The following AKNA variants were observed in gnomAD, a reference collection of about 807,000 sequenced individuals.
AKNA encodes the protein AT-hook transcription factor.
In AKNA, 67 loss-of-function variants were observed where a neutral mutation model predicts 138.8. The ratio of observed to expected loss-of-function variants is 0.48; its 90% CI spans 0.40 to 0.59. The LOEUF is 0.59. AKNA is among the 20% of genes least tolerant of loss of function. The pLI is 0.00. For missense variants in AKNA, 1,813 were observed against 1,880.4 expected (o/e 0.96, Z 0.66); for synonymous variants, 737 against 754.4 (o/e 0.98, Z 0.38).
In AKNA at chr9:114,356,727, C is replaced by CA. The variant is rs561438559; in HGVS notation, c.2846+135dup. ...TGTCCATAACACAGGAACAAGAAATCACGGTTAGGGGATGAAATGAGGGCC... is the reference window on the plus strand; with the variant it reads ...TGTCCATAACACAGGAACAAGAAATCAACGGTTAGGGGATGAAATGAGGGCC... On this transcript the variant is annotated intron_variant, in intron 13 of 21. Transcript: ENST00000374088. The CA allele has an allele frequency of 6.5e-4, 503 of 770,482 alleles. 4 individuals carry two copies. The South Asian group carries it at 0.01, about 15-fold the overall frequency. 47.7% of individuals were successfully genotyped at this position (770,482 alleles called of 1,614,324 possible).
intron 12 of AKNA, among the ~76,000 whole-genome samples, chr9:114,357,707 T>C (rs530578937): frequency 6.6e-6 from 1 of 152,260 alleles, no homozygotes; most frequent in East Asian, 1.9e-4. Context: ...TTGCAAGCTC[T>C]CAGAGGAGGA....
At chr9:114,363,415 C>A (rs1832115094) in intron 7 of AKNA, among the ~76,000 whole-genome samples, 1 of 152,216 alleles carries the variant, frequency 6.6e-6, no homozygotes, top group South Asian at 2.1e-4. Context: ...TGACAGCTCT[C>A]AACTTCCCTG....
intron 1 of AKNA, among the ~76,000 whole-genome samples, chr9:114,386,495 C>T (rs1438120394): frequency 2.0e-5 from 3 of 152,136 alleles, no homozygotes; most frequent in African/African-American, 7.2e-5. Flanking sequence ...AGCCAGCCCT[C>T]GTTAGGGCAG....
intron 6 of AKNA, among the ~76,000 whole-genome samples, chr9:114,365,717 TCAATACTAAAAA>T (rs1832297828): frequency 6.6e-6 from 1 of 152,146 alleles, no homozygotes; most frequent in Admixed American, 6.6e-5. Context: ...CAACATGTAA[TCAATACTAAAAA>T]AATAGGGAGA....
chr9:114,351,470 G>A (rs1831114573), intron 14 of AKNA, among the ~76,000 whole-genome samples: 1 of 152,116 alleles, frequency 6.6e-6, no homozygotes, highest in African/African-American at 2.4e-5. Context: ...ATCTCCCAAA[G>A]GGATGGGTGA....
At position 114,341,631 on chromosome 9, in the gene AKNA, G is replaced by C; in HGVS notation, c.3969C>G (p.Pro1323=). The change falls in exon 21 of 22, where the codon CCC becomes CCG. Residue 1323 remains proline, a synonymous_variant. Transcript: ENST00000374088. ...GCGCTGTTGCCAGATACCACAGTCC[G>C]GGGGGTGGGCGTGGCGACGACCCCG... ...KQAGSSPRPP[P]GLWYLATAPP... The C allele has an allele frequency of 5.0e-6, 8 of 1,611,294 alleles. No individual in the cohort carries two copies. Among genetic ancestry groups the C allele is most frequent in the Non-Finnish European group, 6.8e-6 (8 of 1,179,090 alleles).
At position 114,361,784 on chromosome 9, in the gene AKNA, G is replaced by A. The variant is rs777486745; in HGVS notation, c.2044C>T (p.Pro682Ser). The change falls in exon 9 of 22, where the codon CCC becomes TCC. Residue 682 changes from proline (P) to serine (S), a missense_variant. Physicochemically the swap from Pro to Ser is moderately conservative, Grantham distance 74. Coordinates refer to ENST00000374088, the MANE Select transcript of AKNA (RefSeq NM_001317950.2). ...AGGTGCGTTGGCTGATGGAGGCAGG[G>A]CAGGGCTGGGGTGCTGTCCAGAGCT... is the stretch of plus-strand genomic sequence containing the variant. ...DSALDSTPAL[P>S]CLHQPTHLPA... 3.7e-6 allele frequency: 6 copies of A among 1,613,812 alleles called. No homozygotes were observed. In the Admixed American group the frequency reaches 6.7e-5, roughly 18 times the overall value.
intron 21 of AKNA, among the ~76,000 whole-genome samples, chr9:114,341,292 C>CT (rs1830325217): frequency 6.6e-6 from 1 of 152,234 alleles, no homozygotes; most frequent in African/African-American, 2.4e-5. Context: ...TGCTAGTCCC[C>CT]TTCACTGCTG....
chr9:114,360,629 C>A (rs1831878976), intron 9 of AKNA, among the ~76,000 whole-genome samples: 1 of 152,140 alleles, frequency 6.6e-6, no homozygotes, highest in African/African-American at 2.4e-5. Context: ...AACCATAGGG[C>A]CAGCATGACC....
chr9:114,380,819 G>T (rs2763191), intron 2 of AKNA, among the ~76,000 whole-genome samples: 2 of 74,048 alleles, frequency 2.7e-5, no homozygotes, highest in Admixed American at 1.6e-4. Flanking sequence ...ACTAAAAAAA[G>T]AAAAAAAAAA....
At chr9:114,383,242 A>T (rs1409676139) in intron 1 of AKNA, 1 of 455,600 alleles carries the variant, frequency 2.2e-6, no homozygotes, top group Non-Finnish European at 4.4e-6. Flanking sequence ...TAGCCAGAGA[A>T]GGGCTCCTCC....
chr9:114,354,433 G>A (rs956192717), intron 14 of AKNA, among the ~76,000 whole-genome samples: 2 of 152,168 alleles, frequency 1.3e-5, no homozygotes, highest in Non-Finnish European at 2.9e-5. Flanking sequence ...ACATTTTTAG[G>A]CTGGGCGCGG....
chr9:114,373,885 C>CAAAA (rs758805914), intron 4 of AKNA, among the ~76,000 whole-genome samples: 133 of 78,772 alleles, frequency 1.7e-3, no homozygotes, highest in African/African-American at 1.9e-3. Context: ...GACCCTGACT[C>CAAAA]AAAAAAAAAA....
downstream of AKNA, chr9:114,331,969 G>A (rs1457647265): frequency 3.2e-6 from 5 of 1,574,288 alleles, no homozygotes; most frequent in South Asian, 5.6e-5. Context: ...CTTGTCCATG[G>A]CCCAACTTGG....
chr9:114,385,573 G>A lies in AKNA; in HGVS notation c.-114+2287C>T, dbSNP rs569874205. Among the ~76,000 whole-genome samples the A allele has an allele frequency of 3.3e-5, 5 of 152,306 alleles. No individual in the cohort carries two copies. The South Asian group carries it at 1.0e-3, about 32-fold the overall frequency. ...AGCCTGCCCAATCACAGAGCCCTCTGGGTGCACAAAGAGGAACATCCTGTC... is the reference window on the plus strand; with the variant it reads ...AGCCTGCCCAATCACAGAGCCCTCTAGGTGCACAAAGAGGAACATCCTGTC... On this transcript the variant is annotated intron_variant, in intron 1 of 21. Transcript: ENST00000374088.
intron 2 of AKNA, among the ~76,000 whole-genome samples, chr9:114,378,132 T>C (rs1055154146): frequency 6.6e-6 from 1 of 151,984 alleles, no homozygotes; most frequent in South Asian, 2.1e-4. Flanking sequence ...TCCTGATCCA[T>C]CTCTCTCCAT....
rs1040726376 is a variant in AKNA, at chr9:114,364,450, T to A, written c.1788+110A>T. 2.7e-6 allele frequency: 3 copies of A among 1,112,778 alleles called. No homozygotes were observed. The African/African-American group carries it at 4.6e-5, about 17-fold the overall frequency. 68.9% of individuals were successfully genotyped at this position (1,112,778 alleles called of 1,614,324 possible). On this transcript the variant is annotated intron_variant, in intron 7 of 21. Transcript: ENST00000374088. ...ACTGTTTGCTCTAAAAGAGACCCTGTGTCTGGGATTCTCTTTTCTGTCTTG... is the reference window on the plus strand; with the variant it reads ...ACTGTTTGCTCTAAAAGAGACCCTGAGTCTGGGATTCTCTTTTCTGTCTTG...
chr9:114,364,436 TA>T, intron 7 of AKNA, 123 bp downstream of exon 7: 2 of 992,282 alleles, frequency 2.0e-6, no homozygotes, highest in Non-Finnish European at 3.2e-6. Flanking sequence ...CTGTTTGCTC[TA>T]AAAGAGACCC....
At chr9:114,393,754 G>A (rs114702074) in intron 1 of AKNA, among the ~76,000 whole-genome samples, 1 of 134,872 alleles carries the variant, frequency 7.4e-6, no homozygotes, top group Non-Finnish European at 1.6e-5. Flanking sequence ...TATATATCTA[G>A]TTTGAGTCCA....
Sources: allele counts gnomAD v4.1 joint callset (sites outside exome capture counted in the v4.1 genomes callset), GRCh38; gene constraint gnomAD v4.1.1; transcripts MANE v1.5; gene names NCBI Gene and HGNC (gene_info 2026-07-23, HGNC 2026-07-21).